The following SEMA6D variants were observed in gnomAD, a reference collection of about 807,000 sequenced individuals.
SEMA6D encodes semaphorin-6D.
In SEMA6D, 35 loss-of-function variants were observed where a neutral mutation model predicts 106.6. The observed-to-expected ratio is 0.33, with a 90% CI of 0.25 to 0.44. SEMA6D has a LOEUF of 0.44. SEMA6D is among the 20% of genes least tolerant of loss of function. SEMA6D has a pLI of 1.00. For missense variants in SEMA6D, 1,185 were observed against 1,345.9 expected, an observed-to-expected ratio of 0.88 and a Z score of 1.87; for synonymous variants, 499 against 487.7, an observed-to-expected ratio of 1.02 and a Z score of -0.31.
At chr15:47,335,131 C>A (rs1451554945) in intron 1 of SEMA6D, among the ~76,000 whole-genome samples, 1 of 151,840 alleles carries the variant, frequency 6.6e-6, no homozygotes, top group South Asian at 2.1e-4. Flanking sequence ...GGGGGAAGGG[C>A]AAAACCAAGA....
intron 1 of SEMA6D, among the ~76,000 whole-genome samples, chr15:47,219,430 T>C (rs1335557392): frequency 6.6e-6 from 1 of 152,200 alleles, no homozygotes; most frequent in Non-Finnish European, 1.5e-5. Context: ...TCCTTAAGAA[T>C]GGGTTTCTTA....
Position 47,760,962 on chromosome 15 carries a change from G to T in SEMA6D, c.222-16G>T. ...ATGTATTCACGTGATATGTTTTATTGCCTTATTTCCAACAGGGATCAAGTT... is the reference window on the plus strand; with the variant it reads ...ATGTATTCACGTGATATGTTTTATTTCCTTATTTCCAACAGGGATCAAGTT... On this transcript the variant is annotated splice_polypyrimidine_tract_variant and intron_variant, in intron 3 of 18. Coordinates refer to ENST00000536845, the MANE Select transcript of SEMA6D (RefSeq NM_001358351.3). 6.2e-7 allele frequency: 1 copy of T among 1,607,150 alleles called. No individual in the cohort carries two copies. Among genetic ancestry groups the T allele is most frequent in the South Asian group, 1.1e-5 (1 of 90,042 alleles).
intron 1 of SEMA6D, among the ~76,000 whole-genome samples, chr15:47,333,644 C>T (rs1000144002): frequency 6.6e-6 from 1 of 152,134 alleles, no homozygotes; most frequent in Non-Finnish European, 1.5e-5. Flanking sequence ...TGATTTAGTA[C>T]CTCCTCTTGC....
intron 3 of SEMA6D, among the ~76,000 whole-genome samples, chr15:47,596,719 A>G (rs2076543697): frequency 6.6e-6 from 1 of 152,100 alleles, no homozygotes; most frequent in African/African-American, 2.4e-5. Flanking sequence ...GGAAAACTGG[A>G]TATCCATATG....
At chr15:47,465,372 C>T (rs976153545) in intron 2 of SEMA6D, among the ~76,000 whole-genome samples, 20 of 152,070 alleles carry the variant, frequency 1.3e-4, no homozygotes, top group East Asian at 1.9e-4. Flanking sequence ...AATAGTTGTC[C>T]GCATCCCAGT....
At chr15:47,288,447 T>C (rs2035462305) in intron 1 of SEMA6D, among the ~76,000 whole-genome samples, 1 of 152,234 alleles carries the variant, frequency 6.6e-6, no homozygotes, top group South Asian at 2.1e-4. Flanking sequence ...TAGATATTGG[T>C]AATTTGATTT....
intron 4 of SEMA6D, among the ~76,000 whole-genome samples, chr15:47,660,457 T>C (rs1297576612): frequency 6.6e-6 from 1 of 151,858 alleles, no homozygotes; most frequent in Non-Finnish European, 1.5e-5. Context: ...AAAATAAGAG[T>C]AGCAAGGTAC....
intron 4 of SEMA6D, among the ~76,000 whole-genome samples, chr15:47,656,940 A>G (rs2077808529): frequency 6.6e-6 from 1 of 152,232 alleles, no homozygotes; most frequent in Non-Finnish European, 1.5e-5. Flanking sequence ...CAGAAAGAGA[A>G]CAGCTACATA....
intron 1 of SEMA6D, among the ~76,000 whole-genome samples, chr15:47,751,472 T>C (rs2081430804): frequency 1.3e-5 from 2 of 152,190 alleles, no homozygotes; most frequent in South Asian, 4.1e-4. Flanking sequence ...ATCATTCTCA[T>C]TGACTACAGT....
intron 4 of SEMA6D, among the ~76,000 whole-genome samples, chr15:47,638,699 T>A (rs1266208629): frequency 6.6e-6 from 1 of 152,248 alleles, no homozygotes; most frequent in Non-Finnish European, 1.5e-5. Flanking sequence ...TCATTAGTTG[T>A]TAATTTGGAT....
intron 4 of SEMA6D, among the ~76,000 whole-genome samples, chr15:47,701,723 G>C (rs2078816138): frequency 1.3e-5 from 2 of 152,164 alleles, no homozygotes; most frequent in African/African-American, 4.8e-5. Context: ...ATGTAGCATA[G>C]CGAAAATTTC....
At chr15:47,564,119 G>A (rs1314565998) in intron 3 of SEMA6D, among the ~76,000 whole-genome samples, 1 of 152,170 alleles carries the variant, frequency 6.6e-6, no homozygotes, top group African/African-American at 2.4e-5. Flanking sequence ...CATGGAGTGT[G>A]TTTACTCATA....
At chr15:47,210,337 G>A (rs532136183) in intron 1 of SEMA6D, among the ~76,000 whole-genome samples, 1 of 152,214 alleles carries the variant, frequency 6.6e-6, no homozygotes, top group Admixed American at 6.5e-5. Context: ...AATAAATAGA[G>A]GTTGTTATAT....
intron 1 of SEMA6D, among the ~76,000 whole-genome samples, chr15:47,385,438 C>A (rs1341488589): frequency 6.6e-6 from 1 of 152,022 alleles, no homozygotes; most frequent in Non-Finnish European, 1.5e-5. Context: ...AACCAAATTG[C>A]TATGTGAATT....
chr15:47,517,776 A>C (rs1264140295), intron 3 of SEMA6D, among the ~76,000 whole-genome samples: 1 of 152,174 alleles, frequency 6.6e-6, no homozygotes, highest in Non-Finnish European at 1.5e-5. Flanking sequence ...TGAACTTTTT[A>C]TAACCCTCGA....
At chr15:47,494,249 G>A (rs1308694638) in intron 3 of SEMA6D, among the ~76,000 whole-genome samples, 1 of 152,004 alleles carries the variant, frequency 6.6e-6, no homozygotes, top group Admixed American at 6.6e-5. Context: ...AAACAGCAAC[G>A]GTGCAGTTTT....
At chr15:47,193,898 G>A (rs1213394113) in intron 1 of SEMA6D, among the ~76,000 whole-genome samples, 2 of 151,908 alleles carry the variant, frequency 1.3e-5, no homozygotes, top group Non-Finnish European at 2.9e-5. Flanking sequence ...CTCAATTTGA[G>A]CTTTTCTTTT....
rs374152854 is a variant in SEMA6D at position 47,231,126 on chromosome 15, T to A, written c.-239+46708T>A. On this transcript the variant is annotated intron_variant, in intron 1 of 19. Coordinates refer to the SEMA6D transcript ENST00000558014. The stretch of plus-strand genomic sequence containing the variant: ...CCTCCTCTTTGCCTTCCTTGTTCCC[T>A]TCCTCCTCTGCTTTCCTCTTTTCTC... Among the ~76,000 whole-genome samples the A allele has an allele frequency of 4.6e-5, 7 of 152,074 alleles. No individual in the cohort carries two copies. The East Asian group carries it at 7.7e-4, about 17-fold the overall frequency.
chr15:47,669,768 AT>A (rs1440993290), intron 4 of SEMA6D, among the ~76,000 whole-genome samples: 2 of 152,136 alleles, frequency 1.3e-5, no homozygotes, highest in African/African-American at 4.8e-5. Flanking sequence ...CCATACTTCC[AT>A]CTGTGCTCGA....
Sources: gnomAD v4.1 joint callset for allele counts (sites outside exome capture counted in the v4.1 genomes callset) on GRCh38, gnomAD v4.1.1 for gene constraint, MANE v1.5 for transcripts, NCBI Gene and HGNC (gene_info 2026-07-23, HGNC 2026-07-21) for gene names.